Variants in SFXN1 observed in about 807,000 individuals in gnomAD.
The protein encoded by SFXN1 is sideroflexin-1.
SFXN1 carries 32 observed loss-of-function variants against 39.5 expected under a neutral mutation model. The ratio of observed to expected loss-of-function variants is 0.81; its 90% confidence interval spans 0.61 to 1.09. The LOEUF (loss-of-function observed/expected upper bound fraction) is 1.09. Among genes scored for constraint, SFXN1 ranks in the 50% least tolerant of loss-of-function variants. The pLI, the probability that SFXN1 is intolerant of heterozygous loss-of-function variation, is 0.00. For synonymous variants in SFXN1, 136 were observed against 146.5 expected, an observed-to-expected ratio of 0.93 and a Z score of 0.52; for missense variants, 402 against 407.1, an observed-to-expected ratio of 0.99 and a Z score of 0.11.
rs1264803354 is a variant in SFXN1 at position 175,526,701 on chromosome 5, A to G, written c.936A>G (p.Glu312=). 6.2e-7 allele frequency: 1 copy of G among 1,614,228 alleles called. No homozygotes were observed. Among genetic ancestry groups the G allele is most frequent in the South Asian group, 1.1e-5 (1 of 91,090 alleles). ...CTAAGATCCAAGAGAGCCATCCTGA[A>G]TTGCGACGCGTGTACTTCAATAAGG... The part of the protein sequence containing the change: ...LQAKIQESHP[E]LRRVYFNKGL The change falls in exon 11 of 11, where the codon GAA becomes GAG. Residue 312 remains glutamate (E), a synonymous_variant. Transcript: ENST00000321442.
Position 175,509,030 on chromosome 5 carries a change from A to T in SFXN1, c.165-2A>T. On this transcript the variant is annotated splice_acceptor_variant, in intron 2 of 10. Transcript: ENST00000321442. LOFTEE classifies it high-confidence loss of function. ...TTGCCATATTATTTGTTGTTTTCTT[A>T]GGCAAGGAATTGTTCCTCCTGGTCT... The T allele has an allele frequency of 1.2e-6, 2 of 1,600,388 alleles. No individual in the cohort carries two copies.
At chr5:175,502,094 C>T (rs746138476) in intron 2 of SFXN1, among the ~76,000 whole-genome samples, 1 of 152,004 alleles carries the variant, frequency 6.6e-6, no homozygotes. Context: ...TTCCTGGGTG[C>T]GATGGCAGAA....
chr5:175,513,897 C>G (rs1357531487), intron 7 of SFXN1, among the ~76,000 whole-genome samples: 1 of 151,568 alleles, frequency 6.6e-6, no homozygotes, highest in Non-Finnish European at 1.5e-5. Context: ...AGGAGTTTGC[C>G]TGGTGTGTTA....
At chr5:175,481,729 A>G (rs1277749109) in intron 1 of SFXN1, among the ~76,000 whole-genome samples, 2 of 152,246 alleles carry the variant, frequency 1.3e-5, no homozygotes, top group African/African-American at 4.8e-5. Context: ...GGCAGGCCCA[A>G]CGTCTCCATG....
chr5:175,513,402 C>A, intron 6 of SFXN1, 61 bp from the exon 7 acceptor site: 1 of 1,482,764 alleles, frequency 6.7e-7, no homozygotes, highest in Non-Finnish European at 9.1e-7. Flanking sequence ...CAACATAGTA[C>A]TATTTCAGGA....
At chr5:175,507,970 C>CT (rs200047543) in intron 2 of SFXN1, among the ~76,000 whole-genome samples, 12,902 of 75,382 alleles carry the variant, frequency 0.17, 716 homozygotes, top group East Asian at 0.24. Context: ...GAGACCCTGT[C>CT]TTTAAAAAAA....
chr5:175,507,258 C>T (rs1170858762), intron 2 of SFXN1, among the ~76,000 whole-genome samples: 1 of 152,058 alleles, frequency 6.6e-6, no homozygotes, highest in Admixed American at 6.6e-5. Context: ...ATCCAGTATG[C>T]CGTTTGGCAT....
chr5:175,497,979 A>G (rs1759924395), intron 2 of SFXN1, among the ~76,000 whole-genome samples: 1 of 151,774 alleles, frequency 6.6e-6, no homozygotes, highest in South Asian at 2.1e-4. Flanking sequence ...AGGAAATTCT[A>G]ACATACCTTT....
At chr5:175,506,944 G>A (rs1472668373) in intron 2 of SFXN1, among the ~76,000 whole-genome samples, 5 of 152,152 alleles carry the variant, frequency 3.3e-5, no homozygotes, top group Admixed American at 6.5e-5. Context: ...GATTACAGGC[G>A]TGAGCCACCA....
intron 10 of SFXN1, among the ~76,000 whole-genome samples, chr5:175,525,475 C>T (rs867013739): frequency 1.5e-4 from 23 of 152,194 alleles, no homozygotes; most frequent in Non-Finnish European, 2.2e-4. Flanking sequence ...TAAACAATAG[C>T]CATCATGGGA....
chr5:175,506,069 C>G (rs1160867975), intron 2 of SFXN1, among the ~76,000 whole-genome samples: 1 of 152,180 alleles, frequency 6.6e-6, no homozygotes, highest in African/African-American at 2.4e-5. Flanking sequence ...CTGCCCGTCT[C>G]GGCCTCCCAA....
At chr5:175,517,791 C>T (rs1760756261) in intron 8 of SFXN1, among the ~76,000 whole-genome samples, 1 of 152,134 alleles carries the variant, frequency 6.6e-6, no homozygotes, top group African/African-American at 2.4e-5. Flanking sequence ...GCCTCTTCCG[C>T]AAAGGCTGAA....
At chr5:175,509,789 A>G (rs975538058) in intron 3 of SFXN1, among the ~76,000 whole-genome samples, 2 of 152,154 alleles carry the variant, frequency 1.3e-5, no homozygotes, top group Non-Finnish European at 2.9e-5. Flanking sequence ...TAGCCTACAA[A>G]TTGTATCTTT....
At chr5:175,511,200 CACTT>C (rs781323889) in intron 4 of SFXN1, among the ~76,000 whole-genome samples, 1 of 152,174 alleles carries the variant, frequency 6.6e-6, no homozygotes, top group Non-Finnish European at 1.5e-5. Context: ...TTAACCAACT[CACTT>C]CAAAGAATAC....
intron 2 of SFXN1, among the ~76,000 whole-genome samples, chr5:175,507,977 A>ATAAAAATT (rs57408993): frequency 2.0e-5 from 3 of 148,352 alleles, no homozygotes; most frequent in Non-Finnish European, 4.5e-5. Flanking sequence ...TGTCTTTAAA[A>ATAAAAATT]AAAAAAAAAA....
Position 175,529,544 on chromosome 5 carries a change from A to G in SFXN1, c.*2810A>G, listed in dbSNP as rs918008667. On this transcript the variant is annotated 3_prime_UTR_variant, in exon 11 of 11. Transcript: ENST00000321442. The stretch of plus-strand genomic sequence containing the variant: ...ACCTTTTCTGGAGAAAAAAAAATCC[A>G]CATGAAGTGCAATAAGCTTATAAAG... 7 of 152,308 alleles carry G rather than the reference A, an allele frequency of 4.6e-5. No homozygotes were observed. The highest frequency in any genetic ancestry group is 4.4e-5 in the Non-Finnish European group (3 of 68,020). The allele number at this position is 152,308 out of a possible 1,614,324, so 9.4% of individuals were successfully genotyped here. A position where few individuals can be genotyped will look rare whatever the true frequency, so the allele number is the denominator to read the frequency against.
chr5:175,520,433 A>G (rs1760845403), intron 8 of SFXN1, among the ~76,000 whole-genome samples: 1 of 152,100 alleles, frequency 6.6e-6, no homozygotes, highest in Non-Finnish European at 1.5e-5. Context: ...GTAGGGGTGA[A>G]TAAGGCAGGA....
intron 10 of SFXN1, chr5:175,524,164 A>C (rs1219205175): frequency 7.9e-6 from 1 of 127,210 alleles, no homozygotes; most frequent in Non-Finnish European, 1.6e-5. Context: ...ATATATATAT[A>C]TATATATCTC....
At chr5:175,483,100 A>C (rs1561649782) in intron 1 of SFXN1, among the ~76,000 whole-genome samples, 2 of 152,240 alleles carry the variant, frequency 1.3e-5, no homozygotes, top group Non-Finnish European at 2.9e-5. Context: ...TCAAAACCTT[A>C]GTTAAAAGAT....
Sources: allele counts gnomAD v4.1 joint callset (sites outside exome capture counted in the v4.1 genomes callset), GRCh38; gene constraint gnomAD v4.1.1; transcripts MANE v1.5; gene names NCBI Gene and HGNC (gene_info 2026-07-23, HGNC 2026-07-21).